RGL1: variants seen among roughly 807,000 people sequenced by gnomAD.
The protein encoded by RGL1 is ral guanine nucleotide dissociation stimulator like 1.
Under a neutral mutation model 95.2 loss-of-function variants are expected in RGL1, and 24 were observed. That is an observed-to-expected ratio of 0.25 (90% CI 0.18 to 0.35). The LOEUF is 0.35. RGL1 is among the 10% of genes least tolerant of loss of function. The probability of loss-of-function intolerance (pLI) is 1.00; values close to 1 mark genes in which losing one functional copy is unlikely to be tolerated. For missense variants in RGL1, 715 were observed against 936.3 expected (o/e 0.76, Z 3.08); for synonymous variants, 329 against 344.9 (o/e 0.95, Z 0.51).
chr1:183,815,010 G>A (rs75536577), intron 2 of RGL1, among the ~76,000 whole-genome samples: 4,203 of 152,238 alleles, frequency 0.028, 198 homozygotes, highest in African/African-American at 0.093. Flanking sequence ...GGTGGCTCTC[G>A]CCTGTAATCC....
At chr1:183,674,823 A>G (rs1242237302) in intron 1 of RGL1, among the ~76,000 whole-genome samples, 1 of 152,236 alleles carries the variant, frequency 6.6e-6, no homozygotes, top group Non-Finnish European at 1.5e-5. Context: ...TATCAATTGC[A>G]TCCTTTAGGA....
At chr1:183,906,906 G>A in intron 13 of RGL1, 106 bp from the exon 14 acceptor site, 1 of 716,564 alleles carries the variant, frequency 1.4e-6, no homozygotes, top group Non-Finnish European at 2.5e-6. Context: ...TCTTTACTTT[G>A]AACAATTAGA....
chr1:183,924,594 G>T (rs902392941), intron 17 of RGL1, among the ~76,000 whole-genome samples: 1 of 151,968 alleles, frequency 6.6e-6, no homozygotes, highest in Non-Finnish European at 1.5e-5. Flanking sequence ...TGCACGTTCT[G>T]CACATGTACC....
chr1:183,737,158 A>G lies in RGL1; in HGVS notation c.-32-4968A>G, dbSNP rs75095151. On this transcript the variant is annotated intron_variant, in intron 1 of 18. Coordinates refer to the RGL1 transcript ENST00000304685. ...TAAAGCCATGTTTCAAAAAAAGGGC[A>G]TCCATGGAAGTGATGGATAATTTTT... Among the ~76,000 whole-genome samples, 803 of 152,360 alleles carry G rather than the reference A, an allele frequency of 5.3e-3. 3 individuals carry two copies. The highest frequency in any genetic ancestry group is 8.2e-3 in the Non-Finnish European group (558 of 68,030).
At chr1:183,739,223 C>G (rs976288882) in intron 1 of RGL1, among the ~76,000 whole-genome samples, 2 of 152,244 alleles carry the variant, frequency 1.3e-5, no homozygotes, top group African/African-American at 2.4e-5. Context: ...TACCTCTATG[C>G]CATCCTTACC....
At chr1:183,805,419 G>A in intron 1 of RGL1, 95 bp downstream of exon 1, 1 of 1,060,300 alleles carries the variant, frequency 9.4e-7, no homozygotes, top group Non-Finnish European at 1.4e-6. Context: ...CGGAGTGAAC[G>A]GAGCAATCCG....
At chr1:183,747,838 G>T (rs563396440) in intron 2 of RGL1, among the ~76,000 whole-genome samples, 1 of 152,150 alleles carries the variant, frequency 6.6e-6, no homozygotes, top group Non-Finnish European at 1.5e-5. Context: ...TCAGGGTAAG[G>T]CTGGCCTCAT....
intron 1 of RGL1, among the ~76,000 whole-genome samples, chr1:183,650,280 A>G (rs1650628630): frequency 6.6e-6 from 1 of 151,640 alleles, no homozygotes; most frequent in Non-Finnish European, 1.5e-5. Flanking sequence ...GTGGTGGCTC[A>G]CGCCTATAAT....
At position 183,850,331 on chromosome 1, in the gene RGL1, GTTAT is replaced by G. The variant is rs540107775; in HGVS notation, c.347+2563_347+2566del. ...CCTAATTTTTCCATTCGTTTTAAAA[GTTAT>G]TTATTAAAATTTTTTATAACGACAT... On this transcript the variant is annotated intron_variant, in intron 3 of 17. Coordinates refer to ENST00000360851, the MANE Select transcript of RGL1 (RefSeq NM_001297671.3). Among the ~76,000 whole-genome samples the G allele has an allele frequency of 3.7e-4, 57 of 152,096 alleles. No homozygotes were observed. In the East Asian group the frequency reaches 4.2e-3, roughly 11 times the overall value.
chr1:183,685,530 C>G (rs1336471012), intron 1 of RGL1, among the ~76,000 whole-genome samples: 1 of 152,124 alleles, frequency 6.6e-6, no homozygotes, highest in Non-Finnish European at 1.5e-5. Flanking sequence ...CATACAATTA[C>G]ATTAAATGTT....
intron 1 of RGL1, among the ~76,000 whole-genome samples, chr1:183,691,808 G>A (rs968804565): frequency 2.0e-5 from 3 of 152,032 alleles, no homozygotes; most frequent in African/African-American, 4.8e-5. Context: ...CCTGAAATAT[G>A]CATAACTAAT....
rs746605188 is a variant in RGL1, at chr1:183,926,315, G to A, written c.*23G>A. 1.9e-5 allele frequency: 30 copies of A among 1,585,596 alleles called. No homozygotes were observed. Among genetic ancestry groups the A allele is most frequent in the Non-Finnish European group, 2.5e-5 (29 of 1,163,360 alleles). On this transcript the variant is annotated 3_prime_UTR_variant, in exon 18 of 18. Coordinates refer to ENST00000360851, the MANE Select transcript of RGL1 (RefSeq NM_001297671.3). ...TGAAGGGAGGGACCAGTGGCCCCTTGTTTGCCAAAGGCAGAGTGGGGCTGA... is the reference window on the plus strand; with the variant it reads ...TGAAGGGAGGGACCAGTGGCCCCTTATTTGCCAAAGGCAGAGTGGGGCTGA...
chr1:183,801,134 CTTG>C (rs917554920), upstream of RGL1, among the ~76,000 whole-genome samples: 2 of 131,426 alleles, frequency 1.5e-5, no homozygotes, highest in African/African-American at 6.0e-5. Context: ...CTCACCAACA[CTTG>C]TTATTTTGTG....
intron 1 of RGL1, among the ~76,000 whole-genome samples, chr1:183,689,217 C>T (rs1445371829): frequency 6.6e-6 from 1 of 152,074 alleles, no homozygotes; most frequent in African/African-American, 2.4e-5. Context: ...ATTTGCTAGG[C>T]AGTGCATCTT....
At chr1:183,759,479 C>G (rs1658536660) in intron 2 of RGL1, among the ~76,000 whole-genome samples, 1 of 152,168 alleles carries the variant, frequency 6.6e-6, no homozygotes, top group African/African-American at 2.4e-5. Flanking sequence ...CAAAGGTATG[C>G]TCTCTGACTT....
chr1:183,849,328 G>A (rs888980620), intron 3 of RGL1, among the ~76,000 whole-genome samples: 1 of 152,024 alleles, frequency 6.6e-6, no homozygotes, highest in Non-Finnish European at 1.5e-5. Context: ...AAAAGGCTTA[G>A]AACAGTGGCT....
rs182660439 is a variant in RGL1, at chr1:183,823,653, G to T, written c.138+17168G>T. On this transcript the variant is annotated intron_variant, in intron 2 of 17. Coordinates refer to ENST00000360851, the MANE Select transcript of RGL1 (RefSeq NM_001297671.3). ...GCAACTCTACAATTATTCAACTTAC[G>T]GAGTTCCACTGTAGCTATAGAGATC... Among the ~76,000 whole-genome samples the T allele has an allele frequency of 5.1e-4, 78 of 152,212 alleles. 1 individual carries two copies. Among genetic ancestry groups the T allele is most frequent in the African/African-American group, 1.9e-3 (78 of 41,532 alleles).
chr1:183,652,618 G>A (rs761133013), intron 1 of RGL1, among the ~76,000 whole-genome samples: 1 of 152,212 alleles, frequency 6.6e-6, no homozygotes, highest in Non-Finnish European at 1.5e-5. Context: ...AGGTGGAAAT[G>A]TACCCTGTTT....
At chr1:183,765,168 T>C (rs1373208937) in intron 2 of RGL1, among the ~76,000 whole-genome samples, 2 of 152,182 alleles carry the variant, frequency 1.3e-5, no homozygotes, top group Admixed American at 1.3e-4. Context: ...GAGGCATCTT[T>C]CTAAGGGGTT....
Sources: gnomAD v4.1 joint callset for allele counts (sites outside exome capture counted in the v4.1 genomes callset) on GRCh38, gnomAD v4.1.1 for gene constraint, MANE v1.5 for transcripts, NCBI Gene and HGNC (gene_info 2026-07-23, HGNC 2026-07-21) for gene names.